SHLD2: variants seen among roughly 807,000 people sequenced by gnomAD.
SHLD2 encodes the protein shieldin complex subunit 2.
SHLD2 carries 30 observed loss-of-function variants against 73.2 expected under a neutral mutation model. The ratio of observed to expected loss-of-function variants is 0.41; its 90% CI spans 0.31 to 0.56. The LOEUF is 0.56. SHLD2 is among the 20% of genes least tolerant of loss of function. The pLI, the probability that SHLD2 is intolerant of heterozygous loss-of-function variation, is 0.28. For synonymous variants in SHLD2, 285 were observed against 370.1 expected, an observed-to-expected ratio of 0.77 and a Z score of 2.64; for missense variants, 745 against 1,055.9, an observed-to-expected ratio of 0.71 and a Z score of 4.08.
chr10:87,137,160 G>A (rs1043855437), intron 2 of SHLD2, among the ~76,000 whole-genome samples: 2 of 152,130 alleles, frequency 1.3e-5, no homozygotes, highest in African/African-American at 4.8e-5. Context: ...AGAAGACCCA[G>A]AGATGATCCA....
Position 87,170,758 on chromosome 10 carries a change from A to G in SHLD2, c.1829-82A>G, listed in dbSNP as rs548308512. ...CTTAGTGTACCATTTGGTTATCACTATATATGTATCATCAGCTATTAAAGT... is the reference window on the plus strand; with the variant it reads ...CTTAGTGTACCATTTGGTTATCACTGTATATGTATCATCAGCTATTAAAGT... On this transcript the variant is annotated intron_variant, in intron 5 of 9. Transcript: ENST00000298786. The G allele has an allele frequency of 7.4e-5, 118 of 1,585,028 alleles. No individual in the cohort carries two copies. The African/African-American group carries it at 1.3e-3, about 18-fold the overall frequency.
At chr10:87,181,452 C>G (rs1262010847) in intron 8 of SHLD2, among the ~76,000 whole-genome samples, 2 of 152,102 alleles carry the variant, frequency 1.3e-5, no homozygotes, top group Non-Finnish European at 2.9e-5. Context: ...TAAGGCCCCT[C>G]AAAAGTATGT....
chr10:87,134,367 C>T (rs1844646047), intron 2 of SHLD2, among the ~76,000 whole-genome samples: 1 of 152,116 alleles, frequency 6.6e-6, no homozygotes, highest in South Asian at 2.1e-4. Context: ...GATGGAACAA[C>T]CAAAGGAATA....
intron 4 of SHLD2, among the ~76,000 whole-genome samples, chr10:87,160,483 T>A (rs1004506029): frequency 6.6e-5 from 10 of 151,942 alleles, no homozygotes; most frequent in Non-Finnish European, 1.5e-4. Context: ...CTCAAAAAAA[T>A]TTTTTTTCTT....
rs189596047 is a variant in SHLD2, at chr10:87,138,041, C to G, written c.-5-13309C>G. 2.6e-3 allele frequency among the ~76,000 whole-genome samples: 399 copies of G among 152,250 alleles called. 3 individuals carry two copies. The highest frequency in any genetic ancestry group is 9.4e-3 in the African/African-American group (390 of 41,540). On this transcript the variant is annotated intron_variant, in intron 2 of 9. Coordinates refer to ENST00000298786, the MANE Select transcript of SHLD2 (RefSeq NM_001330112.2). Reference sequence around the variant, plus strand: ...GAAAAGAAGTCCAGGCATGGTGGCTCACACCTGTAATCTCAGAACTTTGGG... The same window carrying G: ...GAAAAGAAGTCCAGGCATGGTGGCTGACACCTGTAATCTCAGAACTTTGGG...
chr10:87,113,056 T>C (rs1843028564), intron 2 of SHLD2, among the ~76,000 whole-genome samples: 1 of 152,140 alleles, frequency 6.6e-6, no homozygotes, highest in Admixed American at 6.6e-5. Flanking sequence ...CCGGGTGTGG[T>C]GGCTCACACC....
upstream of SHLD2, chr10:87,094,862 T>C (rs1841693394): frequency 6.7e-6 from 7 of 1,045,772 alleles, no homozygotes; most frequent in South Asian, 9.2e-5. The surrounding 1 kb of genome is among the most constrained non-coding windows in gnomAD (Gnocchi z 6.6). Context: ...CCGCGCGGGT[T>C]GCCCTTTTAA....
At chr10:87,128,664 A>G (rs1287916539) in intron 2 of SHLD2, among the ~76,000 whole-genome samples, 4 of 152,160 alleles carry the variant, frequency 2.6e-5, no homozygotes, top group African/African-American at 9.7e-5. Context: ...ATTGTCTTCT[A>G]GCTTGTGTTA....
intron 7 of SHLD2, among the ~76,000 whole-genome samples, chr10:87,177,793 C>A (rs572224030): frequency 2.6e-5 from 4 of 152,232 alleles, no homozygotes; most frequent in Admixed American, 1.3e-4. Context: ...CCTCATCTTA[C>A]CGCCAGCAGA....
intron 3 of SHLD2, among the ~76,000 whole-genome samples, chr10:87,155,156 C>T (rs1199029698): frequency 1.3e-5 from 1 of 78,206 alleles, no homozygotes; most frequent in African/African-American, 4.7e-5. Context: ...AGGATGGTCT[C>T]GATATCCTCA....
At chr10:87,110,463 C>T (rs576330941) in intron 2 of SHLD2, among the ~76,000 whole-genome samples, 6 of 151,860 alleles carry the variant, frequency 4.0e-5, no homozygotes, top group East Asian at 1.9e-4. Context: ...AAAAATTAGC[C>T]GGAAGTGGTG....
chr10:87,100,749 A>G (rs1483429842), intron 2 of SHLD2, among the ~76,000 whole-genome samples: 1 of 152,200 alleles, frequency 6.6e-6, no homozygotes, highest in Non-Finnish European at 1.5e-5. Flanking sequence ...AAGTGCTGGG[A>G]TTACAGGCAT....
intron 2 of SHLD2, among the ~76,000 whole-genome samples, chr10:87,125,284 T>G (rs1469741888): frequency 6.6e-6 from 1 of 152,244 alleles, no homozygotes; most frequent in Admixed American, 6.5e-5. Flanking sequence ...TTAATCTTTA[T>G]TCCCTTAGGT....
chr10:87,143,971 C>A (rs1845396808), intron 2 of SHLD2, among the ~76,000 whole-genome samples: 1 of 150,332 alleles, frequency 6.7e-6, no homozygotes, highest in Non-Finnish European at 1.5e-5. Flanking sequence ...TCAAGCGATT[C>A]TCCTGCCTCA....
intron 2 of SHLD2, among the ~76,000 whole-genome samples, chr10:87,128,043 A>G (rs1844160331): frequency 6.6e-6 from 1 of 152,090 alleles, no homozygotes; most frequent in Non-Finnish European, 1.5e-5. Context: ...CTTATTTCCC[A>G]TATTCCATAT....
intron 4 of SHLD2, among the ~76,000 whole-genome samples, chr10:87,165,397 T>C (rs1355661148): frequency 2.6e-5 from 4 of 152,126 alleles, no homozygotes; most frequent in African/African-American, 7.2e-5. Flanking sequence ...AAGAAAACTC[T>C]TCAGACACCA....
intron 4 of SHLD2, among the ~76,000 whole-genome samples, chr10:87,159,378 C>G (rs1249733377): frequency 1.3e-5 from 2 of 152,122 alleles, no homozygotes; most frequent in Non-Finnish European, 2.9e-5. Flanking sequence ...TATGTGTTGA[C>G]ATTGTTTCAG....
chr10:87,102,219 A>G (rs567246778), intron 2 of SHLD2, among the ~76,000 whole-genome samples: 1 of 152,336 alleles, frequency 6.6e-6, no homozygotes, highest in East Asian at 1.9e-4. Context: ...TACAAAGAAC[A>G]GTTCTCAACT....
chr10:87,152,128 A>C lies in SHLD2; in HGVS notation c.774A>C (p.Lys258Asn). 6.2e-7 allele frequency: 1 copy of C among 1,611,896 alleles called. No homozygotes were observed. The highest frequency in any genetic ancestry group is 8.5e-7 in the Non-Finnish European group (1 of 1,179,812). Residue 258 changes from lysine (K) to asparagine (N), a missense_variant, in exon 3 of 10, where the codon AAA (lysine) becomes AAC (asparagine). Coordinates refer to ENST00000298786, the MANE Select transcript of SHLD2 (RefSeq NM_001330112.2). ...SSQVAFLAQK[K>N]DKRRSPVNKG... is the part of the protein sequence containing the mutation. ...AGGTTGCTTTTTTAGCTCAAAAGAA[A>C]GATAAAAGGCGGAGTCCTGTAAATA...
Sources: gnomAD v4.1 joint callset for allele counts (sites outside exome capture counted in the v4.1 genomes callset) on GRCh38, gnomAD v4.1.1 for gene constraint, Gnocchi (gnomAD v3.1) non-coding constraint, MANE v1.5 for transcripts, NCBI Gene and HGNC (gene_info 2026-07-23, HGNC 2026-07-21) for gene names.